Variants in ASPH observed in about 807,000 individuals in gnomAD.
ASPH encodes aspartate beta-hydroxylase.
Under a neutral mutation model 118.4 loss-of-function variants are expected in ASPH, and 100 were observed. That is an observed-to-expected ratio of 0.84 (90% confidence interval 0.72 to 1.00). ASPH has a LOEUF of 1.00. ASPH is among the 50% of genes least tolerant of loss of function. The probability of loss-of-function intolerance (pLI) is 0.00; values close to 1 mark genes in which losing one functional copy is unlikely to be tolerated. For synonymous variants in ASPH, 315 were observed against 325.6 expected, an observed-to-expected ratio of 0.97 and a Z score of 0.35; for missense variants, 920 against 919.5, an observed-to-expected ratio of 1.00 and a Z score of -0.01.
chr8:61,612,374 G>GTT lies in ASPH; in HGVS notation c.976+6602_976+6603dup, dbSNP rs34515068. Reference sequence around the variant, plus strand: ...AAAAAATGATTAAGAAATGAACAAAGTTTTTTTTTTTTTTTTTGAGCCAAA... The same window carrying GTT: ...AAAAAATGATTAAGAAATGAACAAAGTTTTTTTTTTTTTTTTTTTGAGCCAAA... On this transcript the variant is annotated intron_variant, in intron 14 of 24. Coordinates refer to ENST00000379454, the MANE Select transcript of ASPH (RefSeq NM_004318.4). Among the ~76,000 whole-genome samples, 742 of 138,000 alleles carry GTT rather than the reference G, an allele frequency of 5.4e-3. 7 individuals are homozygous for GTT. The highest frequency in any genetic ancestry group is 0.017 in the African/African-American group (649 of 37,792). The allele number at this position is 138,000 out of a possible 152,430, so 90.5% of individuals were successfully genotyped here. A position where few individuals can be genotyped will look rare whatever the true frequency, so the allele number is the denominator to read the frequency against.
chr8:61,610,728 T>C (rs1024451499), intron 14 of ASPH, among the ~76,000 whole-genome samples: 1 of 152,204 alleles, frequency 6.6e-6, no homozygotes, highest in African/African-American at 2.4e-5. Context: ...CTAGGCATAG[T>C]GGTTAGCTGG....
chr8:61,657,468 G>A (rs546547249), intron 3 of ASPH: 1 of 152,296 alleles, frequency 6.6e-6, no homozygotes, highest in African/African-American at 2.4e-5. Flanking sequence ...AGCACGTACT[G>A]TACCGAATAC....
intron 14 of ASPH, among the ~76,000 whole-genome samples, chr8:61,589,642 C>T (rs1375632964): frequency 6.6e-6 from 1 of 152,180 alleles, no homozygotes; most frequent in African/African-American, 2.4e-5. Context: ...AAACACTGGC[C>T]GTTCCTCAGC....
chr8:61,569,577 AT>A (rs74821163), intron 16 of ASPH, among the ~76,000 whole-genome samples: 2 of 151,874 alleles, frequency 1.3e-5, no homozygotes, highest in African/African-American at 4.8e-5. Context: ...CAACTATGGG[AT>A]TTTTTTTCAC....
intron 3 of ASPH, among the ~76,000 whole-genome samples, chr8:61,673,914 G>T (rs1295843235): frequency 6.6e-6 from 1 of 152,160 alleles, no homozygotes; most frequent in African/African-American, 2.4e-5. Context: ...TTCATCAGAG[G>T]CTTTCAGAGG....
intron 6 of ASPH, among the ~76,000 whole-genome samples, chr8:61,645,449 T>C (rs1807443245): frequency 6.6e-6 from 1 of 152,128 alleles, no homozygotes; most frequent in Non-Finnish European, 1.5e-5. Context: ...TACTGAGCCA[T>C]TTAGGCCAAA....
chr8:61,595,427 A>G (rs531032004), intron 14 of ASPH, among the ~76,000 whole-genome samples: 1 of 152,270 alleles, frequency 6.6e-6, no homozygotes, highest in Non-Finnish European at 1.5e-5. Flanking sequence ...ACAGGGATGT[A>G]AATCTATTAT....
intron 5 of ASPH, 21 bp downstream of exon 5, chr8:61,651,029 A>G (rs1157293832): frequency 3.8e-6 from 6 of 1,593,764 alleles, no homozygotes; most frequent in Non-Finnish European, 5.1e-6. Flanking sequence ...CTCAAAACAA[A>G]GAGCAGATTT....
intron 1 of ASPH, among the ~76,000 whole-genome samples, chr8:61,690,240 C>T (rs1217612002): frequency 4.6e-5 from 7 of 152,154 alleles, no homozygotes; most frequent in Non-Finnish European, 1.5e-5. Flanking sequence ...CAAAACCATA[C>T]ATAGTAAGAA....
chr8:61,652,016 A>G (rs1338744726), intron 4 of ASPH, among the ~76,000 whole-genome samples: 1 of 152,224 alleles, frequency 6.6e-6, no homozygotes, highest in Non-Finnish European at 1.5e-5. Context: ...GTTAATTTAG[A>G]CTTCAGGAAG....
chr8:61,569,016 CA>C (rs1832676302), intron 16 of ASPH, among the ~76,000 whole-genome samples: 2 of 152,018 alleles, frequency 1.3e-5, no homozygotes, highest in South Asian at 4.1e-4. Context: ...GAAGGAGACA[CA>C]AAAATTAGAG....
At chr8:61,551,499 C>T (rs1825991946) in intron 20 of ASPH, among the ~76,000 whole-genome samples, 1 of 152,188 alleles carries the variant, frequency 6.6e-6, no homozygotes, top group African/African-American at 2.4e-5. Flanking sequence ...AATTCAAGAA[C>T]TGTGCTGTTC....
chr8:61,513,750 G>A (rs1452994559), intron 24 of ASPH, among the ~76,000 whole-genome samples: 1 of 152,198 alleles, frequency 6.6e-6, no homozygotes, highest in Non-Finnish European at 1.5e-5. Context: ...AAACTGAGGG[G>A]CTGCCAAGTT....
rs1202697886 is a variant in ASPH at position 61,626,383 on chromosome 8, A to AT, written c.934+7299dup. ...TTTTAAAAAACCCACCAACAAAGTA[A>AT]TTTTTTTTTTTTGGTGTTTGTTTTT... On this transcript the variant is annotated intron_variant, in intron 13 of 24. Coordinates refer to ENST00000379454, the MANE Select transcript of ASPH (RefSeq NM_004318.4). 0.038 allele frequency: 34,957 copies of AT among 920,070 alleles called. 20 individuals carry two copies. The highest frequency in any genetic ancestry group is 0.047 in the South Asian group (1,329 of 27,986). 57.0% of individuals were successfully genotyped at this position (920,070 alleles called of 1,614,324 possible).
chr8:61,693,592 C>T (rs1169054456), intron 1 of ASPH, among the ~76,000 whole-genome samples: 1 of 152,176 alleles, frequency 6.6e-6, no homozygotes, highest in Non-Finnish European at 1.5e-5. Context: ...CAGACTCCCA[C>T]GGCCACCACC....
chr8:61,552,901 A>G, intron 20 of ASPH, 130 bp downstream of exon 20: 1 of 715,780 alleles, frequency 1.4e-6, no homozygotes, highest in Non-Finnish European at 2.3e-6. Context: ...TTAAGTAACT[A>G]AATAGTTTAT....
chr8:61,512,261 G>C (rs76476290), intron 24 of ASPH, among the ~76,000 whole-genome samples: 13,476 of 152,062 alleles, frequency 0.089, 677 homozygotes, highest in Non-Finnish European at 0.12. Flanking sequence ...CACCTGATTT[G>C]GAAAAAAGAT....
At chr8:61,657,719 G>T (rs67189750) in intron 3 of ASPH, 72,027 of 151,846 alleles carry the variant, frequency 0.47, 17,397 homozygotes, top group Middle Eastern at 0.53. Context: ...CTGGATGCTG[G>T]ATCCAAGGGC....
At chr8:61,623,691 A>G (rs1343262668) in intron 13 of ASPH, 1 of 152,214 alleles carries the variant, frequency 6.6e-6, no homozygotes, top group African/African-American at 2.4e-5. Context: ...CCAAAAGAAA[A>G]GAAATTAGTA....
Sources: allele counts gnomAD v4.1 joint callset (sites outside exome capture counted in the v4.1 genomes callset), GRCh38; gene constraint gnomAD v4.1.1; transcripts MANE v1.5; gene names NCBI Gene and HGNC (gene_info 2026-07-23, HGNC 2026-07-21).